Variants in RABGAP1 observed in about 807,000 individuals in gnomAD.
RABGAP1 encodes RAB GTPase activating protein 1.
Under a neutral mutation model 137.6 loss-of-function variants are expected in RABGAP1, and 23 were observed. That is an observed-to-expected ratio of 0.17 (90% CI 0.12 to 0.24). RABGAP1 has a LOEUF of 0.24. Ranked by LOEUF, RABGAP1 falls within the 10% of genes least tolerant of loss-of-function variation. The probability of loss-of-function intolerance (pLI) is 1.00; values close to 1 mark genes in which losing one functional copy is unlikely to be tolerated. For synonymous variants in RABGAP1, 451 were observed against 450.7 expected (o/e 1.00, Z -0.01); for missense variants, 906 against 1,275.8 (o/e 0.71, Z 4.42).
At chr9:122,943,217 G>A (rs556075828) in intron 1 of RABGAP1, among the ~76,000 whole-genome samples, 19 of 151,602 alleles carry the variant, frequency 1.3e-4, no homozygotes, top group Middle Eastern at 3.4e-3. Flanking sequence ...ACAGGCGTGT[G>A]CCACCACGCC....
chr9:123,081,016 A>G (rs915793867), intron 19 of RABGAP1, among the ~76,000 whole-genome samples: 1 of 151,884 alleles, frequency 6.6e-6, no homozygotes, highest in Admixed American at 6.6e-5. Context: ...AGAAAGACCA[A>G]CCCCTCTTCC....
chr9:123,097,522 A>C (rs903574977), intron 21 of RABGAP1, among the ~76,000 whole-genome samples: 2 of 152,202 alleles, frequency 1.3e-5, no homozygotes, highest in Non-Finnish European at 2.9e-5. Flanking sequence ...GTCTGATGCC[A>C]AAGGCTAAGC....
At position 123,104,045 on chromosome 9, in the gene RABGAP1, GTT is replaced by G. The variant is rs1056993480; in HGVS notation, c.*834_*835del. The G allele has an allele frequency of 6.6e-5, 10 of 152,074 alleles. No homozygotes were observed. Among genetic ancestry groups the G allele is most frequent in the African/African-American group, 2.2e-4 (9 of 41,266 alleles). The allele number at this position is 152,074 out of a possible 1,614,324, so 9.4% of individuals were successfully genotyped here. ...TTTCCCAATATGCCCCGTTGACAGTGTTTAAATTCCAGACTAGGACTGCTGAT... is the reference window on the plus strand; with the variant it reads ...TTTCCCAATATGCCCCGTTGACAGTGTAAATTCCAGACTAGGACTGCTGAT... On this transcript the variant is annotated 3_prime_UTR_variant, in exon 26 of 26. Transcript: ENST00000373647.
chr9:123,056,366 G>C (rs1381705658), intron 13 of RABGAP1, among the ~76,000 whole-genome samples: 4 of 152,114 alleles, frequency 2.6e-5, no homozygotes, highest in Non-Finnish European at 5.9e-5. Flanking sequence ...CAGAAACAGA[G>C]TAATTGCTGT....
At chr9:122,942,656 C>T (rs558321931) in intron 1 of RABGAP1, among the ~76,000 whole-genome samples, 11 of 89,746 alleles carry the variant, frequency 1.2e-4, no homozygotes, top group African/African-American at 3.8e-4. Context: ...AGCAACAGAG[C>T]GAGACTCCGT....
rs145998509 is a variant in RABGAP1 at position 122,981,024 on chromosome 9, T to TTTG, written c.151-3437_151-3435dup. 2.4e-3 allele frequency among the ~76,000 whole-genome samples: 357 copies of TTTG among 151,902 alleles called. 5 individuals are homozygous for TTTG. In the South Asian group the frequency reaches 0.025, roughly 11 times the overall value. On this transcript the variant is annotated intron_variant, in intron 2 of 25. Coordinates refer to ENST00000373647, the MANE Select transcript of RABGAP1 (RefSeq NM_012197.4). Reference sequence around the variant, plus strand: ...ATATCAGAATCATCTGTGGAGGTTTTTTGTTGTTGTTGTTGTTGTTGTTGT... The same window carrying TTTG: ...ATATCAGAATCATCTGTGGAGGTTTTTTGTTGTTGTTGTTGTTGTTGTTGTTGT...
rs2034331768 is a variant in RABGAP1, at chr9:123,070,845, C to A, written c.1983+421C>A. Among the ~76,000 whole-genome samples the A allele has an allele frequency of 6.6e-6, 1 of 152,164 alleles. No homozygotes were observed. Among genetic ancestry groups the A allele is most frequent in the Non-Finnish European group, 1.5e-5 (1 of 68,032 alleles). On this transcript the variant is annotated intron_variant, in intron 15 of 25. Coordinates refer to ENST00000373647, the MANE Select transcript of RABGAP1 (RefSeq NM_012197.4). This position sits in a 1 kb window ranked among gnomAD's most constrained non-coding sequence, Gnocchi z 4.4. ...TTGGCTTAGCAAACACCTTTGCCCT[C>A]CACCTTTTTTATTTTCTTTCAAATC...
At chr9:122,993,826 G>C (rs1242508474) in intron 6 of RABGAP1, among the ~76,000 whole-genome samples, 1 of 151,776 alleles carries the variant, frequency 6.6e-6, no homozygotes, top group Non-Finnish European at 1.5e-5. Context: ...GCCACGCCCG[G>C]CTAATTTTTG....
chr9:123,022,717 T>A (rs1340085881), intron 13 of RABGAP1, among the ~76,000 whole-genome samples: 1 of 152,138 alleles, frequency 6.6e-6, no homozygotes, highest in Non-Finnish European at 1.5e-5. Flanking sequence ...CCAAATTTTT[T>A]AATGAATATA....
intron 14 of RABGAP1, among the ~76,000 whole-genome samples, chr9:123,066,992 C>G (rs1209715363): frequency 6.6e-6 from 1 of 151,972 alleles, no homozygotes; most frequent in East Asian, 1.9e-4. Flanking sequence ...TAAAACAAAT[C>G]TTAGACATCA....
intron 1 of RABGAP1, among the ~76,000 whole-genome samples, chr9:122,954,531 A>G (rs1410918948): frequency 6.6e-6 from 1 of 152,228 alleles, no homozygotes; most frequent in Admixed American, 6.5e-5. Context: ...ACCAAAGTAC[A>G]TTGTTTTTGA....
intron 2 of RABGAP1, among the ~76,000 whole-genome samples, chr9:122,958,257 C>G (rs1426405056): frequency 6.6e-6 from 1 of 152,216 alleles, no homozygotes; most frequent in Admixed American, 6.5e-5. Flanking sequence ...CCCAGGCAGC[C>G]CTCCAGGAGC....
At chr9:123,019,734 A>G (rs147924405) in intron 12 of RABGAP1, among the ~76,000 whole-genome samples, 2 of 152,300 alleles carry the variant, frequency 1.3e-5, no homozygotes, top group African/African-American at 4.8e-5. Flanking sequence ...TCTGTCACCC[A>G]GGCTGGAGTG....
chr9:123,035,219 G>A, intron 13 of RABGAP1: 1 of 1,614,150 alleles, frequency 6.2e-7, no homozygotes, highest in Non-Finnish European at 8.5e-7. Context: ...TTCCGCATCT[G>A]CCAACAGCAC....
chr9:123,017,851 A>G (rs1431599803), intron 12 of RABGAP1, among the ~76,000 whole-genome samples: 1 of 152,242 alleles, frequency 6.6e-6, no homozygotes, highest in Non-Finnish European at 1.5e-5. Flanking sequence ...ACTGGTGCAT[A>G]GGTTAAGGCA....
At chr9:123,015,784 G>A in intron 12 of RABGAP1, 148 bp downstream of exon 12, 1 of 525,954 alleles carries the variant, frequency 1.9e-6, no homozygotes, top group South Asian at 3.0e-5. Context: ...ATTTATATGA[G>A]TAAAAGTAGA....
intron 2 of RABGAP1, among the ~76,000 whole-genome samples, chr9:122,980,980 GT>G (rs1341946992): frequency 2.6e-5 from 4 of 152,104 alleles, no homozygotes; most frequent in Non-Finnish European, 5.9e-5. Flanking sequence ...TTGAGGCAGT[GT>G]TTCTCAGTCC....
intron 1 of RABGAP1, among the ~76,000 whole-genome samples, chr9:122,954,633 A>G (rs2024336): frequency 0.11 from 16,486 of 152,160 alleles, 2,892 homozygotes; most frequent in African/African-American, 0.37. Context: ...TGGTAATCAC[A>G]TTATAAAAGA....
chr9:122,935,346 AT>A, the RABGAP1 span, among the ~76,000 whole-genome samples: 42 of 148,788 alleles, frequency 2.8e-4, no homozygotes, highest in East Asian at 5.5e-3. Context: ...CAATAACATA[AT>A]TTTTTTTTTT....
Sources: allele counts gnomAD v4.1 joint callset (sites outside exome capture counted in the v4.1 genomes callset), GRCh38; gene constraint gnomAD v4.1.1; non-coding constraint Gnocchi (gnomAD v3.1); transcripts MANE v1.5; gene names NCBI Gene and HGNC (gene_info 2026-07-23, HGNC 2026-07-21).